Variants in FAAH2 observed in about 807,000 individuals in gnomAD.
FAAH2 encodes fatty-acid amide hydrolase 2.
Under a neutral mutation model 36.9 loss-of-function variants are expected in FAAH2, and 60 were observed. The observed-to-expected ratio is 1.63, with a 90% CI of 1.32 to 2.02. FAAH2 has a LOEUF of 2.02. Ranked by LOEUF, FAAH2 falls within the 30% of genes most tolerant of loss-of-function variation. The pLI, the probability that FAAH2 is intolerant of heterozygous loss-of-function variation, is 0.00. For missense variants in FAAH2, 689 were observed against 397.5 expected, an observed-to-expected ratio of 1.73 and a Z score of -6.23; for synonymous variants, 214 against 143.8, an observed-to-expected ratio of 1.49 and a Z score of -3.49.
At position 57,393,135 on chromosome X, in the gene FAAH2, C is replaced by T. The variant is rs759874569; in HGVS notation, c.996+12106C>T. ...GCCCTCTGTTCTCTGGAAAGGCAGC[C>T]GATGAGGTCCAGCTCAGTCTCTGTA... On this transcript the variant is annotated intron_variant, in intron 7 of 10. Transcript: ENST00000374900. The T allele has an allele frequency of 3.6e-5, 38 of 1,059,156 alleles. No individual in the cohort carries two copies. In the Middle Eastern group the frequency reaches 1.1e-3, roughly 30 times the overall value. The allele number at this position is 1,059,156 out of a possible 1,213,427, so 87.3% of individuals were successfully genotyped here.
chrX:57,295,159 A>G (rs2052097816), intron 2 of FAAH2, among the ~76,000 whole-genome samples: 1 of 111,642 alleles, frequency 9.0e-6, no homozygotes, highest in African/African-American at 3.3e-5. Context: ...TCATATTCAG[A>G]GCTGTGGTTC....
At chrX:57,200,342 A>C in the FAAH2 span, among the ~76,000 whole-genome samples, 1 of 109,564 alleles carries the variant, frequency 9.1e-6, no homozygotes, top group African/African-American at 3.3e-5. Context: ...CAAGGAAAAA[A>C]ATAATAAAGA....
intron 5 of FAAH2, among the ~76,000 whole-genome samples, chrX:57,372,368 G>A (rs1444637657): frequency 1.8e-5 from 2 of 110,489 alleles, no homozygotes; most frequent in Non-Finnish European, 3.8e-5. Context: ...GTATTTCTTG[G>A]TGGTTTTAAT....
intron 3 of FAAH2, among the ~76,000 whole-genome samples, chrX:57,331,280 G>A (rs2053397598): frequency 9.0e-6 from 1 of 111,576 alleles, no homozygotes; most frequent in South Asian, 3.8e-4. Context: ...CATGTAGAAA[G>A]TGGGTTGCTC....
chrX:57,248,789 T>G, the FAAH2 span, among the ~76,000 whole-genome samples: 8 of 73,457 alleles, frequency 1.1e-4, no homozygotes, highest in Non-Finnish European at 1.8e-4. Context: ...AATCGAATAG[T>G]GTGTCTTTTT....
intron 8 of FAAH2, among the ~76,000 whole-genome samples, chrX:57,444,565 A>C (rs2056633601): frequency 9.0e-6 from 1 of 111,266 alleles, no homozygotes; most frequent in Admixed American, 9.6e-5. Context: ...CCCAGGTGAG[A>C]GGATGCCCCA....
chrX:57,300,384 T>A (rs1310236905), intron 2 of FAAH2, among the ~76,000 whole-genome samples: 1 of 112,126 alleles, frequency 8.9e-6, no homozygotes, highest in Non-Finnish European at 1.9e-5. Context: ...TAAATGGTTC[T>A]GTGAAAACCG....
intron 7 of FAAH2, among the ~76,000 whole-genome samples, chrX:57,386,250 G>C (rs1048132074): frequency 9.0e-6 from 1 of 111,484 alleles, no homozygotes; most frequent in East Asian, 2.8e-4. Context: ...CCTATTATAA[G>C]AGAAATACCA....
At chrX:57,459,746 G>A (rs2056925295) in intron 10 of FAAH2, among the ~76,000 whole-genome samples, 1 of 112,185 alleles carries the variant, frequency 8.9e-6, no homozygotes, top group South Asian at 3.7e-4. Flanking sequence ...CAGACCTGCG[G>A]AAGAGGGGCC....
At chrX:57,200,555 T>A in the FAAH2 span, among the ~76,000 whole-genome samples, 1 of 110,603 alleles carries the variant, frequency 9.0e-6, no homozygotes, top group East Asian at 2.9e-4. Flanking sequence ...ATGTTTTGTA[T>A]ATTAGTAGAG....
rs1044828608 is a variant in FAAH2 at position 57,433,800 on chromosome X, A to T, written c.1116+1763A>T. Among the ~76,000 whole-genome samples the T allele has an allele frequency of 2.7e-5, 3 of 112,004 alleles. No homozygotes were observed. The East Asian group carries it at 8.4e-4, about 32-fold the overall frequency. ...TATAACATTTATTTCTTTTTATACTATCTCTTAAAAAATGGTTGTAGTTAT... is the reference window on the plus strand; with the variant it reads ...TATAACATTTATTTCTTTTTATACTTTCTCTTAAAAAATGGTTGTAGTTAT... On this transcript the variant is annotated intron_variant, in intron 8 of 10. Transcript: ENST00000374900.
At chrX:57,392,285 C>T in intron 7 of FAAH2, among the ~76,000 whole-genome samples, 1 of 111,366 alleles carries the variant, frequency 9.0e-6, no homozygotes, top group Non-Finnish European at 1.9e-5. Flanking sequence ...ATTTGGATCC[C>T]TTTCCTCTGG....
In FAAH2 at chrX:57,340,997, A is replaced by C. The variant is rs1050466361; in HGVS notation, c.623-274A>C. On this transcript the variant is annotated intron_variant, in intron 4 of 10. Transcript: ENST00000374900. ...ATAAGAACTCTTTTCTATATGAGAG[A>C]ATTAAGAAAAAGCAGACACACAAAC... Among the ~76,000 whole-genome samples the C allele has an allele frequency of 7.8e-4, 87 of 111,740 alleles. 1 individual carries two copies. The highest frequency in any genetic ancestry group is 2.8e-3 in the African/African-American group (85 of 30,724).
the FAAH2 span, among the ~76,000 whole-genome samples, chrX:57,223,080 G>A: frequency 1.8e-5 from 2 of 112,116 alleles, no homozygotes; most frequent in Admixed American, 9.4e-5. Context: ...ACTCACACTC[G>A]TCCATCTGGA....
the FAAH2 span, among the ~76,000 whole-genome samples, chrX:57,148,114 G>T: frequency 1.8e-5 from 2 of 108,680 alleles, no homozygotes; most frequent in African/African-American, 7.1e-5. Context: ...CTGTTTCATT[G>T]GTCTATATCT....
chrX:57,452,936 T>A (rs758599159), intron 10 of FAAH2, among the ~76,000 whole-genome samples: 81 of 112,170 alleles, frequency 7.2e-4, no homozygotes, highest in Non-Finnish European at 1.4e-3. Context: ...ACTTTCACAC[T>A]GGGTAGGGCA....
chrX:57,284,071 G>A (rs1028902751), upstream of FAAH2, among the ~76,000 whole-genome samples: 6 of 111,983 alleles, frequency 5.4e-5, no homozygotes, highest in Non-Finnish European at 1.1e-4. Context: ...CATGAGCGTG[G>A]AAAAACGTCA....
intron 8 of FAAH2, among the ~76,000 whole-genome samples, chrX:57,436,623 C>T (rs2056417443): frequency 9.0e-6 from 1 of 110,895 alleles, no homozygotes; most frequent in Non-Finnish European, 1.9e-5. Context: ...TTATTAAGAA[C>T]TCTACTTCCA....
chrX:57,350,456 C>A (rs2053970000), intron 5 of FAAH2, among the ~76,000 whole-genome samples: 1 of 110,103 alleles, frequency 9.1e-6, no homozygotes. Context: ...AAAAAAATAA[C>A]TTATGAAACA....
Sources: gnomAD v4.1 joint callset for allele counts (sites outside exome capture counted in the v4.1 genomes callset) on GRCh38, gnomAD v4.1.1 for gene constraint, MANE v1.5 for transcripts, NCBI Gene and HGNC (gene_info 2026-07-23, HGNC 2026-07-21) for gene names.